Variants in STK32C observed in about 807,000 individuals in gnomAD.
STK32C encodes the protein serine/threonine kinase 32C.
STK32C carries 31 observed loss-of-function variants against 56.5 expected under a neutral mutation model. The ratio of observed to expected loss-of-function variants is 0.55; its 90% CI spans 0.41 to 0.74. The LOEUF (loss-of-function observed/expected upper bound fraction) is 0.74. Among genes scored for constraint, STK32C ranks in the 30% least tolerant of loss-of-function variants. The probability of loss-of-function intolerance (pLI) is 0.00; values close to 1 mark genes in which losing one functional copy is unlikely to be tolerated. For synonymous variants in STK32C, 309 were observed against 289.4 expected, an observed-to-expected ratio of 1.07 and a Z score of -0.69; for missense variants, 544 against 676.9, an observed-to-expected ratio of 0.80 and a Z score of 2.18.
At chr10:132,289,749 G>C (rs188426327) in intron 1 of STK32C, among the ~76,000 whole-genome samples, 1 of 152,256 alleles carries the variant, frequency 6.6e-6, no homozygotes, top group Non-Finnish European at 1.5e-5. Context: ...TGTTATAAAG[G>C]CATTAATCCC....
intron 1 of STK32C, among the ~76,000 whole-genome samples, chr10:132,268,830 T>A: frequency 6.6e-6 from 1 of 150,398 alleles, no homozygotes; most frequent in Non-Finnish European, 1.5e-5. Flanking sequence ...TGCATGCATG[T>A]GTATGCAGGT....
In STK32C at chr10:132,225,222, G is replaced by C. The variant is rs562800617; in HGVS notation, c.876+11C>G. ...TGGCAGCCAAGCCCAGGGGCTGCAG[G>C]GGGTCCATACCCATCCTCGCAGCAG... is the stretch of plus-strand genomic sequence containing the variant. On this transcript the variant is annotated intron_variant, in intron 7 of 11. Transcript: ENST00000298630. The C allele has an allele frequency of 1.3e-6, 2 of 1,590,220 alleles. No homozygotes were observed. Among genetic ancestry groups the C allele is most frequent in the East Asian group, 4.5e-5 (2 of 44,104 alleles).
In STK32C at chr10:132,252,863, G is replaced by A. The variant is rs150499011; in HGVS notation, c.263-6908C>T. Among the ~76,000 whole-genome samples, 315 of 152,244 alleles carry A rather than the reference G, an allele frequency of 2.1e-3. 3 individuals are homozygous for A. Among genetic ancestry groups the A allele is most frequent in the African/African-American group, 7.2e-3 (300 of 41,538 alleles). On this transcript the variant is annotated intron_variant, in intron 1 of 11. Coordinates refer to ENST00000298630, the MANE Select transcript of STK32C (RefSeq NM_173575.4). ...CCATCTGAATCCCGCTAAGTGACCCGAGCGTGGGGCCGCCTCCTCCCAGGT... is the reference window on the plus strand; with the variant it reads ...CCATCTGAATCCCGCTAAGTGACCCAAGCGTGGGGCCGCCTCCTCCCAGGT...
intron 1 of STK32C, among the ~76,000 whole-genome samples, chr10:132,277,557 C>T (rs956367818): frequency 6.6e-6 from 1 of 152,244 alleles, no homozygotes; most frequent in Non-Finnish European, 1.5e-5. Flanking sequence ...TGGCCAATCA[C>T]CTGCCTGCCC....
upstream of STK32C, chr10:132,307,986 GGGGGCGGGGCAGGGGC>G (rs2066134753): frequency 1.0e-6 from 1 of 992,808 alleles, no homozygotes; most frequent in Non-Finnish European, 1.2e-6. The surrounding 1 kb of genome is among the most constrained non-coding windows in gnomAD (Gnocchi z 4.4). Flanking sequence ...TGCGAGCGCT[GGGGGCGGGGCAGGGGC>G]GGGGCTTCTG....
chr10:132,242,109 G>GAAAAAAAAA (rs3068961), intron 2 of STK32C, among the ~76,000 whole-genome samples: 25 of 149,322 alleles, frequency 1.7e-4, no homozygotes, highest in African/African-American at 5.2e-4. Flanking sequence ...GACCCTGACT[G>GAAAAAAAAA]AAAAAATGCT....
At chr10:132,332,050 A>G, upstream of STK32C, 1 of 249,762 alleles carries the variant, frequency 4.0e-6, no homozygotes, top group Non-Finnish European at 7.6e-6. Context: ...GCAGGCACAA[A>G]CCCCCACAAC....
intron 10 of STK32C, among the ~76,000 whole-genome samples, chr10:132,217,319 G>A (rs377054857): frequency 1.3e-5 from 2 of 152,160 alleles, no homozygotes; most frequent in Non-Finnish European, 2.9e-5. Context: ...CTTTGTTTTG[G>A]CCAATTTCTC....
At chr10:132,310,453 G>T (rs1245278051), upstream of STK32C, among the ~76,000 whole-genome samples, 1 of 152,198 alleles carries the variant, frequency 6.6e-6, no homozygotes, top group Non-Finnish European at 1.5e-5. The surrounding 1 kb of genome is among the most constrained non-coding windows in gnomAD (Gnocchi z 4.6). Flanking sequence ...CACAGTGTAG[G>T]CATGAGACAG....
At chr10:132,330,321 G>A (rs941012898) in intron 1 of STK32C, 6 of 650,214 alleles carry the variant, frequency 9.2e-6, no homozygotes, top group Non-Finnish European at 1.4e-5. Context: ...TGTGAAAAGA[G>A]ATACTGGAAT....
At chr10:132,216,401 T>G (rs1046098939) in intron 10 of STK32C, among the ~76,000 whole-genome samples, 5 of 150,086 alleles carry the variant, frequency 3.3e-5, no homozygotes, top group African/African-American at 1.2e-4. Context: ...GAAGCGGAGG[T>G]TGCAGTGGCA....
intron 1 of STK32C, among the ~76,000 whole-genome samples, chr10:132,327,935 G>T (rs1031725477): frequency 2.0e-5 from 3 of 152,276 alleles, no homozygotes; most frequent in Admixed American, 6.5e-5. Flanking sequence ...GGCTGTCCCT[G>T]AAGAGTGAGG....
chr10:132,317,967 CAA>C (rs1223040750), intron 1 of STK32C, among the ~76,000 whole-genome samples: 11 of 55,580 alleles, frequency 2.0e-4, no homozygotes, highest in Admixed American at 2.0e-4. Flanking sequence ...GACTCTGTCT[CAA>C]AAAAAAAAAA....
chr10:132,214,107 A>G (rs553606044), intron 10 of STK32C, among the ~76,000 whole-genome samples: 4 of 149,610 alleles, frequency 2.7e-5, no homozygotes, highest in African/African-American at 9.8e-5. Flanking sequence ...AATAATAATG[A>G]CTGGGAATTT....
At chr10:132,227,572 G>A (rs2062934658) in intron 3 of STK32C, among the ~76,000 whole-genome samples, 1 of 151,800 alleles carries the variant, frequency 6.6e-6, no homozygotes, top group African/African-American at 2.4e-5. Flanking sequence ...GGTGATGAGA[G>A]TGATGATGGT....
chr10:132,226,008 A>G (rs2062876673), intron 4 of STK32C, among the ~76,000 whole-genome samples: 1 of 152,218 alleles, frequency 6.6e-6, no homozygotes, highest in African/African-American at 2.4e-5. Context: ...TCTGGGCAGC[A>G]GCACACACCT....
At chr10:132,300,275 C>T (rs1353360909) in intron 1 of STK32C, among the ~76,000 whole-genome samples, 1 of 152,232 alleles carries the variant, frequency 6.6e-6, no homozygotes, top group East Asian at 1.9e-4. Context: ...TGACTCCCAC[C>T]TACACCATCT....
intron 1 of STK32C, 123 bp from the exon 2 acceptor site, chr10:132,246,078 C>T (rs1399417360): frequency 2.0e-5 from 20 of 977,170 alleles, no homozygotes; most frequent in South Asian, 8.2e-5. Flanking sequence ...AGAAGAGGGT[C>T]GCCGTGGGGC....
intron 1 of STK32C, among the ~76,000 whole-genome samples, chr10:132,284,814 GTC>G (rs2065345348): frequency 2.0e-5 from 1 of 49,396 alleles, no homozygotes; most frequent in Non-Finnish European, 4.0e-5. Context: ...ACATTCCCAC[GTC>G]TGCCCAAAGA....
Sources: gnomAD v4.1 joint callset for allele counts (sites outside exome capture counted in the v4.1 genomes callset) on GRCh38, gnomAD v4.1.1 for gene constraint, Gnocchi (gnomAD v3.1) non-coding constraint, MANE v1.5 for transcripts, NCBI Gene and HGNC (gene_info 2026-07-23, HGNC 2026-07-21) for gene names.